The following LOXHD1 variants were observed in gnomAD, a reference collection of about 807,000 sequenced individuals.
LOXHD1 encodes the protein lipoxygenase homology domain-containing protein 1.
LOXHD1 carries 205 observed loss-of-function variants against 248.2 expected under a neutral mutation model. The ratio of observed to expected loss-of-function variants is 0.83; its 90% CI spans 0.74 to 0.93. The LOEUF is 0.93. Among genes scored for constraint, LOXHD1 ranks in the 40% least tolerant of loss-of-function variants. The probability of loss-of-function intolerance (pLI) is 0.00; values close to 1 mark genes in which losing one functional copy is unlikely to be tolerated. For synonymous variants in LOXHD1, 1,113 were observed against 1,162.8 expected (o/e 0.96, Z 0.87); for missense variants, 2,930 against 2,971.6 (o/e 0.99, Z 0.33).
chr18:46,611,624 CTTTT>C (rs1190562745), intron 5 of LOXHD1, among the ~76,000 whole-genome samples: 1 of 152,092 alleles, frequency 6.6e-6, no homozygotes, highest in East Asian at 1.9e-4. Context: ...TGTGTTCTTT[CTTTT>C]TAATTTTTTT....
At position 46,541,859 on chromosome 18, in the gene LOXHD1, C is replaced by A; in HGVS notation, c.3830G>T (p.Arg1277Leu). 1 of 1,551,692 alleles carries A rather than the reference C, an allele frequency of 6.4e-7. No homozygotes were observed. Residue 1277 changes from arginine to leucine, a missense_variant, in exon 25 of 41, where the codon CGC becomes CTC. Physicochemically the swap from Arg to Leu is moderately radical, Grantham distance 102. Transcript: ENST00000642948. ...GTCGTCTTCGTTTTTGGCCAGCCAG[C>A]GGCCACAGGGAAACGTCATGCACTT... ...LGKCMTFPCGRWLAKNEDDGS... is the reference protein window; with the variant it reads ...LGKCMTFPCGLWLAKNEDDGS...
At position 46,545,627 on chromosome 18, in the gene LOXHD1, C is replaced by CTTTTT. The variant is rs56323729; in HGVS notation, c.3515-211_3515-207dup. Among the ~76,000 whole-genome samples the CTTTTT allele has an allele frequency of 4.6e-4, 42 of 92,236 alleles. 1 individual carries two copies. The highest frequency in any genetic ancestry group is 1.0e-3 in the African/African-American group (21 of 20,506). The allele number at this position is 92,236 out of a possible 152,430, so 60.5% of individuals were successfully genotyped here. On this transcript the variant is annotated intron_variant, in intron 22 of 40. Coordinates refer to ENST00000642948, the MANE Select transcript of LOXHD1 (RefSeq NM_001384474.1). ...GTTTCTATGTTCCTCTTGGCCATTTCTTTTTTTTTTTTTTTTTTTTGAGAC... is the reference window on the plus strand; with the variant it reads ...GTTTCTATGTTCCTCTTGGCCATTTCTTTTTTTTTTTTTTTTTTTTTTTTTGAGAC...
intron 34 of LOXHD1, 49 bp downstream of exon 34, chr18:46,518,080 G>T (rs1480003401): frequency 6.5e-7 from 1 of 1,549,152 alleles, no homozygotes; most frequent in South Asian, 1.2e-5. Flanking sequence ...GGGCAGAGGG[G>T]GAGAGTTGAA....
intron 14 of LOXHD1, among the ~76,000 whole-genome samples, chr18:46,575,322 C>A (rs2037833180): frequency 6.6e-6 from 1 of 152,244 alleles, no homozygotes; most frequent in African/African-American, 2.4e-5. Flanking sequence ...GTCTCACCAC[C>A]TTCACTGCCA....
At chr18:46,639,331 A>T (rs1467747992) in intron 4 of LOXHD1, among the ~76,000 whole-genome samples, 1 of 152,244 alleles carries the variant, frequency 6.6e-6, no homozygotes, top group Non-Finnish European at 1.5e-5. Flanking sequence ...AACAAGAATC[A>T]TTGAGAACAC....
intron 16 of LOXHD1, among the ~76,000 whole-genome samples, chr18:46,566,781 T>C (rs1027683203): frequency 6.6e-6 from 1 of 152,204 alleles, no homozygotes; most frequent in Non-Finnish European, 1.5e-5. Flanking sequence ...CATGGCCATG[T>C]GAGAAAGCAA....
chr18:46,623,965 C>T (rs775629011), intron 4 of LOXHD1, among the ~76,000 whole-genome samples: 1 of 152,214 alleles, frequency 6.6e-6, no homozygotes, highest in Non-Finnish European at 1.5e-5. Flanking sequence ...TAACTAAGCC[C>T]CCATCTCATC....
At chr18:46,564,995 GGCT>G (rs774902917) in intron 17 of LOXHD1, among the ~76,000 whole-genome samples, 1 of 152,062 alleles carries the variant, frequency 6.6e-6, no homozygotes, top group Non-Finnish European at 1.5e-5. Flanking sequence ...CAGTCGTAGT[GGCT>G]CACGTCTATA....
intron 29 of LOXHD1, among the ~76,000 whole-genome samples, chr18:46,525,308 A>G (rs11082532): frequency 0.75 from 114,678 of 152,002 alleles, 43,838 homozygotes; most frequent in Non-Finnish European, 0.83. Flanking sequence ...CATTGGGGAT[A>G]AGTCCAGCTG....
rs118147158 is a variant in LOXHD1 at position 46,500,560 on chromosome 18, A to G, written c.5878+5278T>C. Among the ~76,000 whole-genome samples the G allele has an allele frequency of 8.0e-3, 1,212 of 152,226 alleles. 8 individuals carry two copies. The highest frequency in any genetic ancestry group is 0.014 in the Non-Finnish European group (944 of 68,016). ...TCTTTTGAAGTTTATTTTCTTCTCC[A>G]TGTAACCTACCTCCCACAGACACTA... On this transcript the variant is annotated intron_variant, in intron 37 of 40. Coordinates refer to ENST00000642948, the MANE Select transcript of LOXHD1 (RefSeq NM_001384474.1).
In LOXHD1 at chr18:46,560,159, G is replaced by A. The variant is rs1252198221; in HGVS notation, c.2985C>T (p.His995=). Residue 995 remains histidine (H), a synonymous_variant, in exon 19 of 41, where the codon CAC becomes CAT. Transcript: ENST00000642948. ...CCTCCTTGCCCCGGGCCAGCCAGCG[G>A]TGGGCTTCGAACTTGTGCTGCTCAA... The part of the protein sequence containing the change: ...EVIEQHKFEA[H]RWLARGKEDN... The A allele has an allele frequency of 6.5e-7, 1 of 1,549,740 alleles. No individual in the cohort carries two copies. The highest frequency in any genetic ancestry group is 1.4e-5 in the African/African-American group (1 of 72,824).
chr18:46,574,198 T>A (rs1056146697), intron 14 of LOXHD1, among the ~76,000 whole-genome samples: 4 of 152,138 alleles, frequency 2.6e-5, no homozygotes, highest in African/African-American at 9.7e-5. Flanking sequence ...AAGGAAACCA[T>A]GACTTGTCAT....
intron 21 of LOXHD1, among the ~76,000 whole-genome samples, chr18:46,552,977 G>T (rs1677775840): frequency 6.6e-6 from 1 of 152,128 alleles, no homozygotes; most frequent in Non-Finnish European, 1.5e-5. Context: ...AAACAAGGCT[G>T]CTGCTCATGA....
intron 1 of LOXHD1, 49 bp downstream of exon 1, chr18:46,656,855 C>T (rs1229766394): frequency 6.5e-7 from 1 of 1,541,592 alleles, no homozygotes; most frequent in African/African-American, 1.4e-5. Flanking sequence ...GACCCCTGCC[C>T]ACCGCAGCCA....
At position 46,593,780 on chromosome 18, in the gene LOXHD1, G is replaced by C. The variant is rs1225848255; in HGVS notation, c.1271-20C>G. 1 of 1,551,014 alleles carries C rather than the reference G, an allele frequency of 6.4e-7. No individual in the cohort carries two copies. The highest frequency in any genetic ancestry group is 2.0e-5 in the Admixed American group (1 of 50,932). ...GGAATTCTGTAAGACAGATCAAGTT[G>C]CACCATAAACTTCAGGAAGTGAAGA... On this transcript the variant is annotated intron_variant, in intron 9 of 40. Transcript: ENST00000642948.
intron 4 of LOXHD1, among the ~76,000 whole-genome samples, chr18:46,629,790 A>AT (rs1265845095): frequency 4.3e-5 from 6 of 138,162 alleles, no homozygotes; most frequent in Non-Finnish European, 9.6e-5. Flanking sequence ...CTCACTGGGC[A>AT]TTAAAAAAAA....
chr18:46,515,178 C>T (rs1377544515), intron 34 of LOXHD1, among the ~76,000 whole-genome samples: 1 of 152,152 alleles, frequency 6.6e-6, no homozygotes, highest in African/African-American at 2.4e-5. Flanking sequence ...CCTCATGATA[C>T]CTTCTGTGTG....
rs921962733 is a variant in LOXHD1 at position 46,565,603 on chromosome 18, C to T, written c.2437+654G>A. On this transcript the variant is annotated intron_variant, in intron 17 of 40. Transcript: ENST00000642948. ...AGGTTCCAGAACCCCCAAGCATACC[C>T]GAATCTGAGGATGCTCAAGCCCCTC... 1.4e-4 allele frequency among the ~76,000 whole-genome samples: 21 copies of T among 152,216 alleles called. 1 individual carries two copies. The highest frequency in any genetic ancestry group is 1.1e-3 in the Admixed American group (17 of 15,290).
chr18:46,509,521 A>G (rs1369005991), intron 35 of LOXHD1, 177 bp downstream of exon 35: 1 of 665,954 alleles, frequency 1.5e-6, no homozygotes, highest in Admixed American at 2.2e-5. Context: ...AAATAAATAA[A>G]ACGACATTCT....
Sources: allele counts gnomAD v4.1 joint callset (sites outside exome capture counted in the v4.1 genomes callset), GRCh38; gene constraint gnomAD v4.1.1; transcripts MANE v1.5; gene names NCBI Gene and HGNC (gene_info 2026-07-23, HGNC 2026-07-21).